Variants in EPHA3 observed in about 807,000 individuals in gnomAD.
The protein encoded by EPHA3 is EPH receptor A3.
Under a neutral mutation model 107.1 loss-of-function variants are expected in EPHA3, and 42 were observed. The ratio of observed to expected loss-of-function variants is 0.39; its 90% CI spans 0.31 to 0.51. EPHA3 has a LOEUF of 0.51. Among genes scored for constraint, EPHA3 ranks in the 20% least tolerant of loss-of-function variants. The probability of loss-of-function intolerance (pLI) is 0.78; values close to 1 mark genes in which losing one functional copy is unlikely to be tolerated. For synonymous variants in EPHA3, 461 were observed against 424.8 expected, an observed-to-expected ratio of 1.09 and a Z score of -1.05; for missense variants, 1,183 against 1,211.2, an observed-to-expected ratio of 0.98 and a Z score of 0.35.
chr3:89,476,678 G>A (rs186473665), intron 16 of EPHA3, among the ~76,000 whole-genome samples: 1 of 151,342 alleles, frequency 6.6e-6, no homozygotes, highest in Admixed American at 6.6e-5. Context: ...CGCGATCTCG[G>A]CTCACTGCAA....
chr3:89,180,311 T>G (rs1705413222), intron 2 of EPHA3, among the ~76,000 whole-genome samples: 1 of 151,948 alleles, frequency 6.6e-6, no homozygotes, highest in Admixed American at 6.6e-5. Context: ...TCTGATTTTT[T>G]TTTTAAAGTA....
In EPHA3 at chr3:89,219,688, G is replaced by GTTTTTTTTT; in HGVS notation, c.814+9174_814+9182dup. Among the ~76,000 whole-genome samples the GTTTTTTTTT allele has an allele frequency of 6.9e-3, 236 of 34,436 alleles. 72 individuals carry two copies. Among genetic ancestry groups the GTTTTTTTTT allele is most frequent in the East Asian group, 8.6e-3 (10 of 1,168 alleles). The allele number at this position is 34,436 out of a possible 152,430, so 22.6% of individuals were successfully genotyped here. The stretch of plus-strand genomic sequence containing the variant: ...TTACCTCCAAGAGGCATTTGGCAAT[G>GTTTTTTTTT]TTTTTTTTTTTTTTGTTTTTTGTTT... On this transcript the variant is annotated intron_variant, in intron 3 of 16. Transcript: ENST00000336596.
In EPHA3 at chr3:89,311,544, T is replaced by C. The variant is rs74283160; in HGVS notation, c.815-29372T>C. Among the ~76,000 whole-genome samples the C allele has an allele frequency of 1.1e-3, 160 of 152,142 alleles. 1 individual carries two copies. In the East Asian group the frequency reaches 0.025, roughly 24 times the overall value. On this transcript the variant is annotated intron_variant, in intron 3 of 16. Coordinates refer to ENST00000336596, the MANE Select transcript of EPHA3 (RefSeq NM_005233.6). ...GGAAAGAAATAAATTATAATCATAA[T>C]TGAGTCAAGATATTTTCAGAATTTT...
At chr3:89,251,998 A>C (rs745615400) in intron 3 of EPHA3, among the ~76,000 whole-genome samples, 6 of 152,184 alleles carry the variant, frequency 3.9e-5, no homozygotes, top group Non-Finnish European at 7.4e-5. Flanking sequence ...TGGTATATAC[A>C]ACCTAAGAGA....
intron 9 of EPHA3, among the ~76,000 whole-genome samples, chr3:89,410,318 A>G (rs1462092574): frequency 6.6e-6 from 1 of 151,980 alleles, no homozygotes; most frequent in Non-Finnish European, 1.5e-5. Context: ...TATCCATCAT[A>G]CATATATTCT....
At chr3:89,427,957 A>C (rs958888264) in intron 11 of EPHA3, among the ~76,000 whole-genome samples, 1 of 151,942 alleles carries the variant, frequency 6.6e-6, no homozygotes, top group African/African-American at 2.4e-5. Context: ...AATTGTTACC[A>C]TAATGTATAT....
chr3:89,157,875 G>A (rs1474123439), intron 2 of EPHA3, among the ~76,000 whole-genome samples: 1 of 148,822 alleles, frequency 6.7e-6, no homozygotes, highest in Non-Finnish European at 1.5e-5. Context: ...AAAAAAAAAA[G>A]GGAAAGAAGT....
chr3:89,292,934 C>G (rs1403434974), intron 3 of EPHA3, among the ~76,000 whole-genome samples: 6 of 152,152 alleles, frequency 3.9e-5, no homozygotes, highest in African/African-American at 1.4e-4. Context: ...TTTTCCATAG[C>G]ATTTGAAACA....
intron 3 of EPHA3, among the ~76,000 whole-genome samples, chr3:89,280,438 TCTC>T (rs2107313295): frequency 6.6e-6 from 1 of 152,274 alleles, no homozygotes; most frequent in African/African-American, 2.4e-5. Context: ...AGTCGTCACA[TCTC>T]CTCTGTCTAT....
intron 13 of EPHA3, among the ~76,000 whole-genome samples, chr3:89,442,394 C>T (rs1372812794): frequency 6.6e-6 from 1 of 152,112 alleles, no homozygotes; most frequent in African/African-American, 2.4e-5. Context: ...ATGTGGATTA[C>T]TTTCCCTTGA....
chr3:89,413,174 C>A lies in EPHA3; in HGVS notation c.1796C>A (p.Pro599Gln). The A allele has an allele frequency of 6.2e-7, 1 of 1,611,614 alleles. No individual in the cohort carries two copies. The highest frequency in any genetic ancestry group is 8.5e-7 in the Non-Finnish European group (1 of 1,178,340). ...KLPGLRTYVD[P>Q]HTYEDPTQAV... ...CCAGGTCTCAGGACTTATGTTGACC[C>A]ACATACATATGAAGACCCTACCCAA... is the stretch of plus-strand genomic sequence containing the variant. The change falls in exon 10 of 17, where the codon CCA becomes CAA. Residue 599 changes from proline (P) to glutamine (Q), a missense_variant. Physicochemically the swap from Pro to Gln is moderately conservative, Grantham distance 76. Coordinates refer to ENST00000336596, the MANE Select transcript of EPHA3 (RefSeq NM_005233.6).
chr3:89,390,132 C>T (rs1214924498), intron 5 of EPHA3, among the ~76,000 whole-genome samples: 2 of 152,040 alleles, frequency 1.3e-5, no homozygotes, highest in Admixed American at 6.6e-5. Flanking sequence ...GCTGGGATTA[C>T]AGTCACACAC....
intron 3 of EPHA3, among the ~76,000 whole-genome samples, chr3:89,212,578 C>G (rs1704129439): frequency 8.0e-6 from 1 of 124,374 alleles, no homozygotes; most frequent in Admixed American, 9.5e-5. Context: ...GTATTAATAC[C>G]AAGGAAACAT....
intron 1 of EPHA3, among the ~76,000 whole-genome samples, chr3:89,111,443 C>G (rs1362992077): frequency 6.6e-6 from 1 of 151,852 alleles, no homozygotes; most frequent in Non-Finnish European, 1.5e-5. Flanking sequence ...TCATGCTAGA[C>G]TAAATAATTG....
At chr3:89,263,315 C>G (rs1399520036) in intron 3 of EPHA3, among the ~76,000 whole-genome samples, 1 of 152,134 alleles carries the variant, frequency 6.6e-6, no homozygotes, top group African/African-American at 2.4e-5. Flanking sequence ...TAAGTGTTAA[C>G]AGCTCAGTAG....
intron 1 of EPHA3, among the ~76,000 whole-genome samples, chr3:89,118,284 G>C (rs777575139): frequency 5.9e-5 from 9 of 151,780 alleles, no homozygotes; most frequent in Non-Finnish European, 1.2e-4. Flanking sequence ...GTTAATCCAT[G>C]CTTAACAATG....
rs199630398 is a variant in EPHA3, at chr3:89,431,151, A to C, written c.2138A>C (p.Lys713Thr). 305 of 1,613,026 alleles carry C rather than the reference A, an allele frequency of 1.9e-4. 1 individual carries two copies. The highest frequency in any genetic ancestry group is 1.2e-3 in the South Asian group (112 of 91,010). The change falls in exon 13 of 17, where the codon AAA becomes ACA. Residue 713 changes from lysine (K) to threonine (T), a missense_variant and splice_region_variant. Transcript: ENST00000336596. ...ENGSLDSFLRKHDAQFTVIQL... is the reference protein window; with the variant it reads ...ENGSLDSFLRTHDAQFTVIQL... ...TTGTACATTTGAAATGCTTCCCAGA[A>C]ACACGATGCCCAGTTTACTGTCATT... is the stretch of plus-strand genomic sequence containing the variant.
At chr3:89,337,375 T>A (rs1244375841) in intron 3 of EPHA3, among the ~76,000 whole-genome samples, 1 of 152,228 alleles carries the variant, frequency 6.6e-6, no homozygotes, top group African/African-American at 2.4e-5. Flanking sequence ...TGCTGTCCTT[T>A]CCATTGGTGC....
intron 5 of EPHA3, among the ~76,000 whole-genome samples, chr3:89,394,502 G>T (rs1261881004): frequency 6.6e-6 from 1 of 152,210 alleles, no homozygotes; most frequent in African/African-American, 2.4e-5. Context: ...CCCAGTTGAT[G>T]GGAAATATTG....
Sources: gnomAD v4.1 joint callset for allele counts (sites outside exome capture counted in the v4.1 genomes callset) on GRCh38, gnomAD v4.1.1 for gene constraint, MANE v1.5 for transcripts, NCBI Gene and HGNC (gene_info 2026-07-23, HGNC 2026-07-21) for gene names.